The following NPAS3 variants were observed in gnomAD, a reference collection of about 807,000 sequenced individuals.
NPAS3 encodes the protein neuronal PAS domain protein 3.
A neutral mutation model predicts 73.1 loss-of-function variants in NPAS3; 14 were observed. That is an observed-to-expected ratio of 0.19 (90% CI 0.13 to 0.30). NPAS3 has a LOEUF of 0.30. Among genes scored for constraint, NPAS3 ranks in the 10% least tolerant of loss-of-function variants. The pLI is 1.00. For missense variants in NPAS3, 1,096 were observed against 1,250.0 expected (o/e 0.88, Z 1.86); for synonymous variants, 620 against 541.5 (o/e 1.14, Z -2.01).
chr14:33,733,488 T>C (rs1252316912), intron 6 of NPAS3, among the ~76,000 whole-genome samples: 1 of 152,156 alleles, frequency 6.6e-6, no homozygotes. Context: ...TGATTAAAAC[T>C]AATGAGCTCA....
intron 2 of NPAS3, among the ~76,000 whole-genome samples, chr14:33,076,504 T>C (rs1450500008): frequency 6.6e-6 from 1 of 152,216 alleles, no homozygotes; most frequent in African/African-American, 2.4e-5. Flanking sequence ...GGAAGACATA[T>C]AGATAATGTG....
At chr14:33,051,447 ACTAC>A (rs1055478515) in intron 1 of NPAS3, among the ~76,000 whole-genome samples, 7 of 152,204 alleles carry the variant, frequency 4.6e-5, no homozygotes, top group African/African-American at 1.7e-4. Context: ...TTTCTGAAAA[ACTAC>A]CTTTCTATTT....
intron 5 of NPAS3, among the ~76,000 whole-genome samples, chr14:33,630,523 C>T (rs903027393): frequency 6.6e-6 from 1 of 152,144 alleles, no homozygotes; most frequent in African/African-American, 2.4e-5. Flanking sequence ...ATATGTTTGA[C>T]AATTCTGCAG....
intron 3 of NPAS3, among the ~76,000 whole-genome samples, chr14:33,246,254 G>A (rs902895289): frequency 1.3e-5 from 2 of 152,068 alleles, no homozygotes; most frequent in African/African-American, 2.4e-5. Context: ...AGAACTAAGT[G>A]CTCGGCCAGG....
At chr14:33,401,170 A>C (rs1241180365) in intron 4 of NPAS3, among the ~76,000 whole-genome samples, 1 of 152,152 alleles carries the variant, frequency 6.6e-6, no homozygotes, top group East Asian at 1.9e-4. Context: ...TGTACCTTGC[A>C]ATATTTATTT....
chr14:33,044,947 T>A (rs953217506), intron 1 of NPAS3, among the ~76,000 whole-genome samples: 1 of 152,116 alleles, frequency 6.6e-6, no homozygotes, highest in Non-Finnish European at 1.5e-5. Flanking sequence ...GTTCCTTCAG[T>A]TTCCAGAGCC....
chr14:33,203,886 A>G (rs973782843), intron 2 of NPAS3, among the ~76,000 whole-genome samples: 40 of 152,310 alleles, frequency 2.6e-4, no homozygotes, highest in Non-Finnish European at 4.1e-4. Context: ...TAGATCCCTG[A>G]GGAATCGCCA....
chr14:33,261,014 A>G (rs1278710210), intron 3 of NPAS3, among the ~76,000 whole-genome samples: 2 of 152,230 alleles, frequency 1.3e-5, no homozygotes, highest in Non-Finnish European at 2.9e-5. Flanking sequence ...TGAAGAAAAC[A>G]GTACAGACAC....
intron 9 of NPAS3, among the ~76,000 whole-genome samples, chr14:33,792,386 C>T (rs1291013438): frequency 6.6e-6 from 1 of 151,908 alleles, no homozygotes; most frequent in Admixed American, 6.6e-5. Flanking sequence ...TACAACGGTC[C>T]CGTTAGTGTG....
At chr14:33,153,875 T>C (rs2044550664) in intron 2 of NPAS3, among the ~76,000 whole-genome samples, 1 of 152,180 alleles carries the variant, frequency 6.6e-6, no homozygotes, top group Non-Finnish European at 1.5e-5. Flanking sequence ...AATAAATTGC[T>C]GTTAATCCAT....
intron 3 of NPAS3, among the ~76,000 whole-genome samples, chr14:33,243,827 T>A (rs1172293607): frequency 2.0e-5 from 3 of 151,444 alleles, no homozygotes; most frequent in African/African-American, 7.3e-5. Flanking sequence ...CCAGGAGAAA[T>A]GGAAGGAGGA....
chr14:33,550,913 A>G (rs1009434270), intron 4 of NPAS3, among the ~76,000 whole-genome samples: 4 of 152,224 alleles, frequency 2.6e-5, no homozygotes, highest in African/African-American at 9.6e-5. Context: ...AAAATTTTAA[A>G]AACAATTCTA....
intron 6 of NPAS3, among the ~76,000 whole-genome samples, chr14:33,715,308 C>T (rs1595489969): frequency 6.6e-6 from 1 of 152,130 alleles, no homozygotes; most frequent in East Asian, 1.9e-4. Context: ...AAAGTAAACC[C>T]TCTCTGATTC....
intron 4 of NPAS3, among the ~76,000 whole-genome samples, chr14:33,514,351 C>G (rs942256807): frequency 4.6e-5 from 7 of 151,986 alleles, no homozygotes; most frequent in African/African-American, 1.7e-4. Flanking sequence ...CTCTAAGTTT[C>G]CAGCCTCTCA....
chr14:33,797,397 G>T lies in NPAS3; in HGVS notation c.1302-60G>T, dbSNP rs2063542437. 3.2e-6 allele frequency: 5 copies of T among 1,584,084 alleles called. No homozygotes were observed. In the South Asian group the frequency reaches 5.7e-5, roughly 18 times the overall value. On this transcript the variant is annotated intron_variant, in intron 10 of 11. Coordinates refer to ENST00000356141, the Ensembl canonical transcript of NPAS3. ...GGACAAAGAAGTGGGGGAGAAGATG[G>T]TCCAAACAAACCATGCAGAATGGGT...
intron 1 of NPAS3, among the ~76,000 whole-genome samples, chr14:32,997,774 A>T (rs1313088005): frequency 6.6e-6 from 1 of 151,734 alleles, no homozygotes; most frequent in East Asian, 1.9e-4. Context: ...AAAAAAAAAA[A>T]AAAAAGATGT....
intron 3 of NPAS3, among the ~76,000 whole-genome samples, chr14:33,298,072 A>G (rs1403187889): frequency 6.6e-6 from 1 of 152,206 alleles, no homozygotes; most frequent in East Asian, 1.9e-4. Context: ...ACCTGAGGTC[A>G]GGAGTTCGAG....
chr14:33,152,158 C>T (rs2139248520), intron 2 of NPAS3, among the ~76,000 whole-genome samples: 1 of 152,112 alleles, frequency 6.6e-6, no homozygotes, highest in South Asian at 2.1e-4. Flanking sequence ...CTACAGTGCG[C>T]AGGAAAGCCC....
intron 1 of NPAS3, among the ~76,000 whole-genome samples, chr14:32,993,338 C>T (rs1427293154): frequency 3.3e-5 from 5 of 151,856 alleles, no homozygotes; most frequent in African/African-American, 1.2e-4. Context: ...ACAGGAGACT[C>T]CAGGAAGGAA....
Sources: allele counts gnomAD v4.1 joint callset (sites outside exome capture counted in the v4.1 genomes callset), GRCh38; gene constraint gnomAD v4.1.1; transcripts MANE v1.5; gene names NCBI Gene and HGNC (gene_info 2026-07-23, HGNC 2026-07-21).